The following ZNF521 variants were observed in gnomAD, a reference collection of about 807,000 sequenced individuals.
The protein encoded by ZNF521 is zinc finger protein 521.
Under a neutral mutation model 105.5 loss-of-function variants are expected in ZNF521, and 14 were observed. The observed-to-expected ratio is 0.13, with a 90% CI of 0.09 to 0.21. ZNF521 has a LOEUF of 0.21. Among genes scored for constraint, ZNF521 ranks in the 10% least tolerant of loss-of-function variants. The pLI, the probability that ZNF521 is intolerant of heterozygous loss-of-function variation, is 1.00. For missense variants in ZNF521, 1,233 were observed against 1,629.7 expected (o/e 0.76, Z 4.19); for synonymous variants, 635 against 606.0 (o/e 1.05, Z -0.70).
At chr18:25,233,124 A>G (rs147876010) in intron 3 of ZNF521, among the ~76,000 whole-genome samples, 318 of 152,332 alleles carry the variant, frequency 2.1e-3, no homozygotes, top group African/African-American at 6.1e-3. Context: ...TGTTACTTCA[A>G]TGCCAACACA....
chr18:25,309,114 G>T (rs2145100285), intron 3 of ZNF521, among the ~76,000 whole-genome samples: 1 of 152,306 alleles, frequency 6.6e-6, no homozygotes, highest in Non-Finnish European at 1.5e-5. Flanking sequence ...AGGGCAGGCA[G>T]ACTGCTTGCA....
chr18:25,153,819 C>T (rs1474168397), intron 5 of ZNF521, among the ~76,000 whole-genome samples: 7 of 152,154 alleles, frequency 4.6e-5, no homozygotes, highest in Non-Finnish European at 1.0e-4. Flanking sequence ...TCCTCTCCAA[C>T]ATGCCTTTGC....
At chr18:25,193,445 T>C (rs2035852090) in intron 5 of ZNF521, among the ~76,000 whole-genome samples, 1 of 152,072 alleles carries the variant, frequency 6.6e-6, no homozygotes, top group African/African-American at 2.4e-5. Context: ...TCACTGAATT[T>C]CCCATAAACT....
chr18:25,182,119 C>T (rs899392715), intron 5 of ZNF521, among the ~76,000 whole-genome samples: 3 of 152,098 alleles, frequency 2.0e-5, no homozygotes, highest in Non-Finnish European at 4.4e-5. Context: ...ATGATATGCT[C>T]TTTGGACAGA....
intron 3 of ZNF521, among the ~76,000 whole-genome samples, chr18:25,264,551 T>A (rs1203680877): frequency 6.6e-6 from 1 of 152,196 alleles, no homozygotes; most frequent in Non-Finnish European, 1.5e-5. Context: ...ATGAGTTTCC[T>A]AAGATCAATA....
intron 2 of ZNF521, among the ~76,000 whole-genome samples, chr18:25,335,388 A>G (rs1260613032): frequency 1.3e-5 from 2 of 152,084 alleles, no homozygotes; most frequent in African/African-American, 4.8e-5. Flanking sequence ...CTAAACTCTC[A>G]TGATCTGTAT....
rs1267681934 is a variant in ZNF521 at position 25,230,190 on chromosome 18, AC to A, written c.221-2494del. Among the ~76,000 whole-genome samples, 5 of 152,246 alleles carry A rather than the reference AC, an allele frequency of 3.3e-5. No homozygotes were observed. The South Asian group carries it at 1.0e-3, about 32-fold the overall frequency. ...GTCTTTGTAAAGGAAATTACACAAC[AC>A]CCCCTCTAGAAGTCATAAGGCGTGG... On this transcript the variant is annotated intron_variant, in intron 3 of 7. Transcript: ENST00000361524.
At chr18:25,282,789 C>A (rs918191247) in intron 3 of ZNF521, among the ~76,000 whole-genome samples, 1 of 151,892 alleles carries the variant, frequency 6.6e-6, no homozygotes, top group Non-Finnish European at 1.5e-5. Flanking sequence ...ACCAGGGACA[C>A]CTGCAAATAA....
intron 4 of ZNF521, chr18:25,202,555 A>G (rs754323323): frequency 9.2e-5 from 14 of 152,250 alleles, no homozygotes; most frequent in Non-Finnish European, 1.5e-4. Flanking sequence ...GAAGCGGTTA[A>G]GAATGTGTAA....
intron 5 of ZNF521, among the ~76,000 whole-genome samples, chr18:25,117,785 G>C (rs1299033539): frequency 6.6e-6 from 1 of 152,008 alleles, no homozygotes; most frequent in Non-Finnish European, 1.5e-5. Context: ...ATGGGTAACT[G>C]TAGTTTTAAT....
rs145770451 is a variant in ZNF521 at position 25,106,810 on chromosome 18, G to C, written c.3659-14729C>G. On this transcript the variant is annotated intron_variant, in intron 5 of 7. Coordinates refer to ENST00000361524, the MANE Select transcript of ZNF521 (RefSeq NM_015461.3). ...TTGGTTAGTAAGCAGATCATTACTAGTGAGTCCAGTTTTATAATCTGTCAT... is the reference window on the plus strand; with the variant it reads ...TTGGTTAGTAAGCAGATCATTACTACTGAGTCCAGTTTTATAATCTGTCAT... 2.4e-4 allele frequency among the ~76,000 whole-genome samples: 36 copies of C among 152,170 alleles called. No homozygotes were observed. In the East Asian group the frequency reaches 5.4e-3, roughly 23 times the overall value.
At chr18:25,219,958 G>T (rs1905596040) in intron 4 of ZNF521, among the ~76,000 whole-genome samples, 1 of 152,228 alleles carries the variant, frequency 6.6e-6, no homozygotes, top group African/African-American at 2.4e-5. Context: ...GATAAAGAGT[G>T]TTCCCACCAG....
intron 3 of ZNF521, 146 bp downstream of exon 3, chr18:25,321,862 A>G (rs1912948550): frequency 2.7e-6 from 2 of 751,020 alleles, no homozygotes; most frequent in East Asian, 5.4e-5. Context: ...CCATCTCAGA[A>G]TTCTTTCAAA....
At chr18:25,240,471 T>C (rs1907232741) in intron 3 of ZNF521, among the ~76,000 whole-genome samples, 2 of 152,152 alleles carry the variant, frequency 1.3e-5, no homozygotes, top group South Asian at 2.1e-4. Context: ...TCCCCAGATA[T>C]GCCTGAATGC....
At chr18:25,328,201 G>C (rs1167989288) in intron 2 of ZNF521, among the ~76,000 whole-genome samples, 1 of 152,098 alleles carries the variant, frequency 6.6e-6, no homozygotes, top group African/African-American at 2.4e-5. Context: ...AAACAAAATC[G>C]CACTGTTGAA....
intron 3 of ZNF521, among the ~76,000 whole-genome samples, chr18:25,228,341 T>C (rs1442510087): frequency 1.3e-5 from 2 of 152,228 alleles, no homozygotes; most frequent in Non-Finnish European, 2.9e-5. Flanking sequence ...TAATGAAAGA[T>C]AACCAGGATT....
At chr18:25,276,148 C>T (rs1910021459) in intron 3 of ZNF521, among the ~76,000 whole-genome samples, 1 of 152,132 alleles carries the variant, frequency 6.6e-6, no homozygotes, top group Non-Finnish European at 1.5e-5. Flanking sequence ...TGATCACTAT[C>T]AGACCAAAAA....
intron 5 of ZNF521, among the ~76,000 whole-genome samples, chr18:25,138,403 A>G (rs10775513): frequency 0.95 from 144,022 of 151,976 alleles, 68,388 homozygotes; most frequent in Middle Eastern, 0.99. Context: ...CTATCTTTCC[A>G]TAGATGAGAG....
intron 5 of ZNF521, among the ~76,000 whole-genome samples, chr18:25,177,876 T>C (rs1028077431): frequency 2.0e-5 from 3 of 152,202 alleles, no homozygotes; most frequent in African/African-American, 7.2e-5. Flanking sequence ...TCCTCGTGGA[T>C]TTTGGGAGGA....
Sources: gnomAD v4.1 joint callset for allele counts (sites outside exome capture counted in the v4.1 genomes callset) on GRCh38, gnomAD v4.1.1 for gene constraint, MANE v1.5 for transcripts, NCBI Gene and HGNC (gene_info 2026-07-23, HGNC 2026-07-21) for gene names.